The following GAB1 variants were observed in gnomAD, a reference collection of about 807,000 sequenced individuals.
GAB1 encodes GRB2-associated-binding protein 1.
A neutral mutation model predicts 66.5 loss-of-function variants in GAB1; 19 were observed. That is an observed-to-expected ratio of 0.29 (90% CI 0.20 to 0.42). The LOEUF (loss-of-function observed/expected upper bound fraction) is 0.42. Among genes scored for constraint, GAB1 ranks in the 10% least tolerant of loss-of-function variants. The pLI, the probability that GAB1 is intolerant of heterozygous loss-of-function variation, is 1.00. For synonymous variants in GAB1, 294 were observed against 301.4 expected (o/e 0.98, Z 0.25); for missense variants, 732 against 858.5 (o/e 0.85, Z 1.84).
At chr4:143,453,027 C>T (rs1416754134) in intron 6 of GAB1, among the ~76,000 whole-genome samples, 1 of 152,146 alleles carries the variant, frequency 6.6e-6, no homozygotes, top group Non-Finnish European at 1.5e-5. Flanking sequence ...CTAAGACAGG[C>T]CTCCTTACAC....
chr4:143,382,505 G>A (rs1578630109), intron 1 of GAB1, among the ~76,000 whole-genome samples: 1 of 152,160 alleles, frequency 6.6e-6, no homozygotes, highest in African/African-American at 2.4e-5. Context: ...TTTTGGAAAA[G>A]CAATGGAATT....
At chr4:143,340,794 G>T (rs1040555072) in intron 1 of GAB1, among the ~76,000 whole-genome samples, 2 of 152,124 alleles carry the variant, frequency 1.3e-5, no homozygotes, top group East Asian at 1.9e-4. Context: ...GAGCCACCAC[G>T]CCTGGCCTTA....
intron 2 of GAB1, 26 bp downstream of exon 2, chr4:143,415,797 C>A (rs1732647444): frequency 1.3e-6 from 2 of 1,492,858 alleles, no homozygotes; most frequent in South Asian, 1.3e-5. Flanking sequence ...TACTATTCAA[C>A]TTGAATTCTT....
chr4:143,399,069 C>A (rs1006875085), intron 1 of GAB1, among the ~76,000 whole-genome samples: 9 of 152,094 alleles, frequency 5.9e-5, no homozygotes, highest in African/African-American at 2.2e-4. Flanking sequence ...TTTACCTGTT[C>A]TTTGATTTTG....
At position 143,421,076 on chromosome 4, in the gene GAB1, T is replaced by G. The variant is rs546831921; in HGVS notation, c.367+5305T>G. Among the ~76,000 whole-genome samples the G allele has an allele frequency of 5.3e-5, 8 of 152,202 alleles. No individual in the cohort carries two copies. The South Asian group carries it at 1.7e-3, about 32-fold the overall frequency. On this transcript the variant is annotated intron_variant, in intron 2 of 9. Coordinates refer to ENST00000262994, the MANE Select transcript of GAB1 (RefSeq NM_002039.4). ...TCCCCTCCCCTAGAAAGTTTTCTCA[T>G]GCCTCTTTCCAATAAAGCCTCCACC... is the stretch of plus-strand genomic sequence containing the variant.
At chr4:143,461,864 G>A (rs1735510608) in intron 8 of GAB1, among the ~76,000 whole-genome samples, 1 of 152,104 alleles carries the variant, frequency 6.6e-6, no homozygotes, top group Non-Finnish European at 1.5e-5. Context: ...ATAGACTTTA[G>A]GCAGAACCAG....
At chr4:143,435,997 A>G (rs1447252768) in intron 3 of GAB1, among the ~76,000 whole-genome samples, 1 of 152,232 alleles carries the variant, frequency 6.6e-6, no homozygotes, top group Non-Finnish European at 1.5e-5. Flanking sequence ...AGCTAGTCAG[A>G]GCAAGGAGCT....
intron 1 of GAB1, among the ~76,000 whole-genome samples, chr4:143,385,211 A>G (rs1730844516): frequency 6.6e-6 from 1 of 152,208 alleles, no homozygotes; most frequent in Admixed American, 6.5e-5. Flanking sequence ...TATATTTTAT[A>G]TAAGTATGTG....
At chr4:143,419,193 A>G (rs922644370) in intron 2 of GAB1, among the ~76,000 whole-genome samples, 1 of 152,132 alleles carries the variant, frequency 6.6e-6, no homozygotes. Context: ...ATACATATGT[A>G]TATATAAATT....
At position 143,469,773 on chromosome 4, in the gene GAB1, A is replaced by C. The variant is rs1735991785; in HGVS notation, c.*584A>C. The C allele has an allele frequency of 6.6e-6, 1 of 152,634 alleles. No individual in the cohort carries two copies. The highest frequency in any genetic ancestry group is 6.5e-5 in the Admixed American group (1 of 15,284). The allele number at this position is 152,634 out of a possible 1,614,324, so 9.5% of individuals were successfully genotyped here. On this transcript the variant is annotated 3_prime_UTR_variant, in exon 10 of 10. Transcript: ENST00000262994. ...GGTGTCAGGACCTAGTTCTCTGGTT[A>C]ATGTACATTTAGTTTTTAATGGTGG...
intron 1 of GAB1, among the ~76,000 whole-genome samples, chr4:143,351,563 C>T (rs903150941): frequency 3.9e-5 from 6 of 152,136 alleles, no homozygotes; most frequent in African/African-American, 1.4e-4. Flanking sequence ...GGTGACCTTT[C>T]GGCGGCAAGG....
rs745767410 is a variant in GAB1, at chr4:143,469,229, T to C, written c.*40T>C. The C allele has an allele frequency of 3.1e-6, 5 of 1,600,088 alleles. No individual in the cohort carries two copies. The highest frequency in any genetic ancestry group is 4.3e-6 in the Non-Finnish European group (5 of 1,169,816). On this transcript the variant is annotated 3_prime_UTR_variant, in exon 10 of 10. Transcript: ENST00000262994. The stretch of plus-strand genomic sequence containing the variant: ...CATTTCTGAACAAAAGAAAACTGAA[T>C]TGTAAAGATAAATCCCTTTTGAAGA...
intron 1 of GAB1, among the ~76,000 whole-genome samples, chr4:143,403,378 G>A (rs1363862739): frequency 6.6e-6 from 1 of 152,152 alleles, no homozygotes; most frequent in Admixed American, 6.6e-5. Context: ...TTGACCGAAG[G>A]TTATGAGGCT....
intron 1 of GAB1, among the ~76,000 whole-genome samples, chr4:143,382,836 G>C (rs530625677): frequency 6.6e-6 from 1 of 152,200 alleles, no homozygotes; most frequent in South Asian, 2.1e-4. Flanking sequence ...TTTATGATGG[G>C]TGAGAGTGCA....
At chr4:143,348,210 G>T (rs1454161500) in intron 1 of GAB1, among the ~76,000 whole-genome samples, 1 of 152,102 alleles carries the variant, frequency 6.6e-6, no homozygotes, top group Non-Finnish European at 1.5e-5. Context: ...CTCATCTATG[G>T]CTCTTAACAC....
chr4:143,392,001 A>G (rs1193528856), intron 1 of GAB1, among the ~76,000 whole-genome samples: 1 of 152,234 alleles, frequency 6.6e-6, no homozygotes, highest in African/African-American at 2.4e-5. Context: ...CTGAGCTGCC[A>G]CATGGTATGT....
At chr4:143,397,847 T>C (rs777148517) in intron 1 of GAB1, among the ~76,000 whole-genome samples, 31 of 152,208 alleles carry the variant, frequency 2.0e-4, no homozygotes, top group African/African-American at 7.0e-4. Context: ...AATGGAGATA[T>C]GAGCAATGGC....
chr4:143,354,007 A>G (rs935023198), intron 1 of GAB1, among the ~76,000 whole-genome samples: 5 of 152,138 alleles, frequency 3.3e-5, no homozygotes, highest in African/African-American at 1.2e-4. Flanking sequence ...TTGCACTGAG[A>G]GTCCGAGTAA....
Position 143,460,349 on chromosome 4 carries a change from A to G in GAB1, c.1680-15A>G, listed in dbSNP as rs371585540. 1 of 1,612,908 alleles carries G rather than the reference A, an allele frequency of 6.2e-7. No individual in the cohort carries two copies. The highest frequency in any genetic ancestry group is 1.1e-5 in the South Asian group (1 of 91,044). On this transcript the variant is annotated splice_polypyrimidine_tract_variant and intron_variant, in intron 7 of 9. Transcript: ENST00000262994. Reference sequence around the variant, plus strand: ...TGTCAAGGCTTATGTTTGTGATGATAATTTCTGTAATTAGCTCTTCCAGGT... The same window carrying G: ...TGTCAAGGCTTATGTTTGTGATGATGATTTCTGTAATTAGCTCTTCCAGGT...
Sources: gnomAD v4.1 joint callset for allele counts (sites outside exome capture counted in the v4.1 genomes callset) on GRCh38, gnomAD v4.1.1 for gene constraint, MANE v1.5 for transcripts, NCBI Gene and HGNC (gene_info 2026-07-23, HGNC 2026-07-21) for gene names.